EPB41L4A: variants seen among roughly 807,000 people sequenced by gnomAD.
EPB41L4A encodes the protein erythrocyte membrane protein band 4.1 like 4A.
A neutral mutation model predicts 108.6 loss-of-function variants in EPB41L4A; 100 were observed. The ratio of observed to expected loss-of-function variants is 0.92; its 90% CI spans 0.78 to 1.09. The LOEUF is 1.09. Among genes scored for constraint, EPB41L4A ranks in the 50% least tolerant of loss-of-function variants. The pLI is 0.00. For missense variants in EPB41L4A, 1,030 were observed against 842.7 expected (o/e 1.22, Z -2.75); for synonymous variants, 319 against 289.0 (o/e 1.10, Z -1.05).
intron 1 of EPB41L4A, among the ~76,000 whole-genome samples, chr5:112,354,156 T>A (rs945073787): frequency 6.6e-6 from 1 of 152,192 alleles, no homozygotes; most frequent in Non-Finnish European, 1.5e-5. Flanking sequence ...ATTCTGAGCA[T>A]TGATGTGTAT....
intron 1 of EPB41L4A, among the ~76,000 whole-genome samples, chr5:112,329,552 C>T (rs1209067054): frequency 6.6e-6 from 1 of 152,180 alleles, no homozygotes; most frequent in Non-Finnish European, 1.5e-5. Flanking sequence ...ACATCTAATA[C>T]CAAGTCATCA....
At chr5:112,231,791 CA>C (rs777370941) in intron 12 of EPB41L4A, among the ~76,000 whole-genome samples, 4,412 of 37,340 alleles carry the variant, frequency 0.12, 25 homozygotes, top group South Asian at 0.18. Flanking sequence ...GACTCCGTCT[CA>C]AAAAAAAAAA....
rs865793365 is a variant in EPB41L4A at position 112,234,872 on chromosome 5, T to A, written c.966-117A>T. The stretch of plus-strand genomic sequence containing the variant: ...GAGAAGAAAAAACACACAGACTCCC[T>A]GGTTTTTAATTGATTCTCATTGCAA... On this transcript the variant is annotated intron_variant, in intron 11 of 22. Coordinates refer to ENST00000261486, the MANE Select transcript of EPB41L4A (RefSeq NM_022140.5). 9.1e-6 allele frequency: 10 copies of A among 1,104,390 alleles called. 1 individual carries two copies. The Middle Eastern group carries it at 8.7e-4, about 97-fold the overall frequency. The allele number at this position is 1,104,390 out of a possible 1,614,324, so 68.4% of individuals were successfully genotyped here. A position where few individuals can be genotyped will look rare whatever the true frequency, so the allele number is the denominator to read the frequency against.
intron 13 of EPB41L4A, among the ~76,000 whole-genome samples, chr5:112,207,693 T>G (rs541165078): frequency 2.6e-5 from 4 of 152,016 alleles, no homozygotes; most frequent in Admixed American, 6.5e-5. Flanking sequence ...CATTAATCAT[T>G]CGAAAAAAGC....
At chr5:112,277,605 C>T (rs748737055) in intron 3 of EPB41L4A, among the ~76,000 whole-genome samples, 39 of 152,146 alleles carry the variant, frequency 2.6e-4, no homozygotes, top group South Asian at 2.1e-4. Flanking sequence ...CCTAAAATCA[C>T]AGGGAAGAAA....
chr5:112,329,842 T>C (rs1414329961), intron 1 of EPB41L4A, among the ~76,000 whole-genome samples: 1 of 151,886 alleles, frequency 6.6e-6, no homozygotes, highest in Non-Finnish European at 1.5e-5. Flanking sequence ...ATTCCCACAG[T>C]GGGTGGCCCG....
At chr5:112,256,460 G>A (rs953676107) in intron 9 of EPB41L4A, among the ~76,000 whole-genome samples, 4 of 151,906 alleles carry the variant, frequency 2.6e-5, no homozygotes. Flanking sequence ...ATCAAATTAA[G>A]AACTCAGCTG....
chr5:112,405,851 C>T (rs938148494), intron 1 of EPB41L4A, among the ~76,000 whole-genome samples: 1 of 152,048 alleles, frequency 6.6e-6, no homozygotes, highest in Non-Finnish European at 1.5e-5. Context: ...AAATAAATGT[C>T]TCCCCACCTA....
intron 9 of EPB41L4A, chr5:112,249,755 A>G (rs538157019): frequency 2.1e-4 from 32 of 152,282 alleles, no homozygotes; most frequent in African/African-American, 7.2e-4. Context: ...ATGCTCCCCA[A>G]AGAGCATTTC....
chr5:112,366,886 T>A (rs914024812), intron 1 of EPB41L4A, among the ~76,000 whole-genome samples: 6 of 152,202 alleles, frequency 3.9e-5, no homozygotes, highest in Non-Finnish European at 5.9e-5. Flanking sequence ...AACAGTGCTT[T>A]ACAGAGTCTG....
At chr5:112,350,756 C>T (rs924564184) in intron 1 of EPB41L4A, among the ~76,000 whole-genome samples, 3 of 152,180 alleles carry the variant, frequency 2.0e-5, no homozygotes, top group Non-Finnish European at 4.4e-5. Flanking sequence ...ACTTACTTCA[C>T]TCAGTGACCT....
At position 112,267,469 on chromosome 5, in the gene EPB41L4A, G is replaced by C. The variant is rs74689374; in HGVS notation, c.336-1139C>G. The stretch of plus-strand genomic sequence containing the variant: ...ACTTTTATTGCAACCATATGTTTCA[G>C]AGAAAATTTGCTCAATGTCCCATGT... On this transcript the variant is annotated intron_variant, in intron 4 of 22. Transcript: ENST00000261486. Among the ~76,000 whole-genome samples the C allele has an allele frequency of 8.0e-3, 1,222 of 152,262 alleles. 12 individuals carry two copies. Among genetic ancestry groups the C allele is most frequent in the Non-Finnish European group, 0.013 (872 of 68,016 alleles).
At position 112,147,370 on chromosome 5, in the gene EPB41L4A, T is replaced by C. The variant is rs1019932472; in HGVS notation, n.995-1372A>G. On this transcript the variant is annotated intron_variant and non_coding_transcript_variant, in intron 12 of 13. Coordinates refer to the EPB41L4A transcript ENST00000507810. Reference sequence around the variant, plus strand: ...ATTAGCAAATCTGAGCCGGGTGCGGTGACTCACGCCTGTAATCCCAGCACT... The same window carrying C: ...ATTAGCAAATCTGAGCCGGGTGCGGCGACTCACGCCTGTAATCCCAGCACT... Among the ~76,000 whole-genome samples, 10 of 152,284 alleles carry C rather than the reference T, an allele frequency of 6.6e-5. No individual in the cohort carries two copies. In the East Asian group the frequency reaches 1.5e-3, roughly 24 times the overall value.
chr5:112,164,794 G>A lies in EPB41L4A; in HGVS notation c.*196C>T, dbSNP rs1414171600. On this transcript the variant is annotated 3_prime_UTR_variant, in exon 23 of 23. Transcript: ENST00000261486. The stretch of plus-strand genomic sequence containing the variant: ...GGCTGCGGTGAGCTGACACGGTGCC[G>A]CTGCACTCCAGCCTGGGCGACAGAG... The A allele has an allele frequency of 1.3e-5, 6 of 445,814 alleles. No individual in the cohort carries two copies. The highest frequency in any genetic ancestry group is 9.0e-5 in the East Asian group (2 of 22,104). The allele number at this position is 445,814 out of a possible 1,614,324, so 27.6% of individuals were successfully genotyped here.
At chr5:112,401,154 G>A (rs954045934) in intron 1 of EPB41L4A, among the ~76,000 whole-genome samples, 3 of 152,074 alleles carry the variant, frequency 2.0e-5, no homozygotes, top group Admixed American at 6.5e-5. Flanking sequence ...ATCTATGAGA[G>A]GAAATGAAAA....
intron 1 of EPB41L4A, among the ~76,000 whole-genome samples, chr5:112,312,986 C>G (rs1159023672): frequency 6.6e-6 from 1 of 151,762 alleles, no homozygotes; most frequent in African/African-American, 2.4e-5. Flanking sequence ...GGATTTATTA[C>G]AGGAAAAAAG....
intron 1 of EPB41L4A, among the ~76,000 whole-genome samples, chr5:112,324,244 A>AG (rs896963889): frequency 2.5e-4 from 38 of 152,210 alleles, no homozygotes; most frequent in African/African-American, 9.2e-4. Context: ...AGTAAAACTA[A>AG]GGGGGGATAT....
chr5:112,306,810 G>T (rs1754712802), intron 2 of EPB41L4A, among the ~76,000 whole-genome samples: 1 of 147,488 alleles, frequency 6.8e-6, no homozygotes, highest in African/African-American at 2.6e-5. Context: ...CTCTACTCCG[G>T]ACTGGAAGAC....
rs573478174 is a variant in EPB41L4A at position 112,286,037 on chromosome 5, A to G, written c.205-5714T>C. On this transcript the variant is annotated intron_variant, in intron 2 of 22. Transcript: ENST00000261486. ...AAATATTGTCTGAGAAGTAATGCAC[A>G]ACTTAAATTTCAAGATTCTTACTCT... 1.4e-3 allele frequency among the ~76,000 whole-genome samples: 219 copies of G among 152,142 alleles called. 2 individuals are homozygous for G. The highest frequency in any genetic ancestry group is 5.1e-3 in the African/African-American group (212 of 41,508).
Sources: gnomAD v4.1 joint callset for allele counts (sites outside exome capture counted in the v4.1 genomes callset) on GRCh38, gnomAD v4.1.1 for gene constraint, MANE v1.5 for transcripts, NCBI Gene and HGNC (gene_info 2026-07-23, HGNC 2026-07-21) for gene names.